RMI2: variants seen among roughly 807,000 people sequenced by gnomAD.
The protein encoded by RMI2 is RecQ mediated genome instability 2.
RMI2 carries 11 observed loss-of-function variants against 8.4 expected under a neutral mutation model. That is an observed-to-expected ratio of 1.32 (90% CI 0.83 to 2.18). The LOEUF (loss-of-function observed/expected upper bound fraction) is 2.18. Ranked by LOEUF, RMI2 falls within the 30% of genes most tolerant of loss-of-function variation. The probability of loss-of-function intolerance (pLI) is 0.00; values close to 1 mark genes in which losing one functional copy is unlikely to be tolerated. For missense variants in RMI2, 253 were observed against 207.5 expected, an observed-to-expected ratio of 1.22 and a Z score of -1.35; for synonymous variants, 105 against 93.8, an observed-to-expected ratio of 1.12 and a Z score of -0.69.
At chr16:11,347,352 G>A (rs1287162349) in intron 1 of RMI2, among the ~76,000 whole-genome samples, 2 of 152,160 alleles carry the variant, frequency 1.3e-5, no homozygotes, top group Non-Finnish European at 2.9e-5. Flanking sequence ...GGCCCTTCCT[G>A]CTCAGTCTTG....
Position 11,350,938 on chromosome 16 carries a change from G to A in RMI2, c.*148G>A. The A allele has an allele frequency of 1.7e-6, 1 of 602,920 alleles. No homozygotes were observed. The highest frequency in any genetic ancestry group is 1.9e-5 in the African/African-American group (1 of 52,030). The allele number at this position is 602,920 out of a possible 1,614,324, so 37.3% of individuals were successfully genotyped here. A position where few individuals can be genotyped will look rare whatever the true frequency, so the allele number is the denominator to read the frequency against. On this transcript the variant is annotated 3_prime_UTR_variant, in exon 2 of 2. Coordinates refer to ENST00000312499, the MANE Select transcript of RMI2 (RefSeq NM_152308.3). ...CTTTGGTTGACCAAGGAGTCCGGATGTAGGAATGTTTAAATCCTCGGATAC... is the reference window on the plus strand; with the variant it reads ...CTTTGGTTGACCAAGGAGTCCGGATATAGGAATGTTTAAATCCTCGGATAC...
intron 1 of RMI2, among the ~76,000 whole-genome samples, chr16:11,347,779 G>A (rs539580233): frequency 1.2e-3 from 177 of 152,258 alleles, no homozygotes; most frequent in Non-Finnish European, 2.1e-3. Context: ...AAATTTTTAT[G>A]TATTACTATT....
Position 11,345,916 on chromosome 16 carries a change from G to A in RMI2, c.295+150G>A, listed in dbSNP as rs896724116. The A allele has an allele frequency of 4.4e-5, 23 of 525,394 alleles. No individual in the cohort carries two copies. In the African/African-American group the frequency reaches 4.5e-4, roughly 10 times the overall value. The allele number at this position is 525,394 out of a possible 1,614,324, so 32.5% of individuals were successfully genotyped here. A position where few individuals can be genotyped will look rare whatever the true frequency, so the allele number is the denominator to read the frequency against. On this transcript the variant is annotated intron_variant, in intron 1 of 1. Transcript: ENST00000312499. ...TCTGCCCCTGCGGGTCCCCGCTTGGGTACCCTTGCTCCGGTCCCTCCTTGG... is the reference window on the plus strand; with the variant it reads ...TCTGCCCCTGCGGGTCCCCGCTTGGATACCCTTGCTCCGGTCCCTCCTTGG...
At position 11,345,637 on chromosome 16, in the gene RMI2, G is replaced by A; in HGVS notation, c.166G>A (p.Ala56Thr). Reference sequence around the variant, plus strand: ...GGCGGGCCGCGGGCCGCTGGACCTGGCGGCCGTGTGGATGCAGGGCAGGGT... The same window carrying A: ...GGCGGGCCGCGGGCCGCTGGACCTGACGGCCGTGTGGATGCAGGGCAGGGT... ...AAAGRGPLDL[A>T]AVWMQGRVVM... The change falls in exon 1 of 2, where the codon GCG becomes ACG. Residue 56 changes from alanine (A) to threonine (T), a missense_variant. Ala to Thr is a moderately conservative substitution (Grantham distance 58, BLOSUM62 0). Transcript: ENST00000312499. 1.1e-5 allele frequency: 14 copies of A among 1,257,522 alleles called. No homozygotes were observed. Among genetic ancestry groups the A allele is most frequent in the East Asian group, 3.0e-5 (1 of 33,390 alleles). The allele number at this position is 1,257,522 out of a possible 1,614,324, so 77.9% of individuals were successfully genotyped here. A position where few individuals can be genotyped will look rare whatever the true frequency, so the allele number is the denominator to read the frequency against.
Position 11,345,747 on chromosome 16 carries a change from G to A in RMI2, c.276G>A (p.Gly92=). The change falls in exon 1 of 2, where the codon GGG becomes GGA. Residue 92 remains glycine (G), a synonymous_variant. Coordinates refer to ENST00000312499, the MANE Select transcript of RMI2 (RefSeq NM_152308.3). ...SVRGLERVPR[G]RPCLVPGKYV... The stretch of plus-strand genomic sequence containing the variant: ...GCGGCCTGGAGCGGGTGCCGCGCGG[G>A]CGGCCCTGTCTAGTCCCAGGTAATG... The A allele has an allele frequency of 8.1e-7, 1 of 1,241,508 alleles. No homozygotes were observed. Among genetic ancestry groups the A allele is most frequent in the African/African-American group, 1.5e-5 (1 of 65,124 alleles). The allele number at this position is 1,241,508 out of a possible 1,614,324, so 76.9% of individuals were successfully genotyped here.
At chr16:11,347,970 G>A (rs1230711338) in intron 1 of RMI2, among the ~76,000 whole-genome samples, 1 of 152,090 alleles carries the variant, frequency 6.6e-6, no homozygotes, top group Non-Finnish European at 1.5e-5. Flanking sequence ...TAGTAGAGAT[G>A]GGGTTTCAAC....
At chr16:11,347,362 G>A (rs2070890354) in intron 1 of RMI2, among the ~76,000 whole-genome samples, 2 of 152,148 alleles carry the variant, frequency 1.3e-5, no homozygotes, top group African/African-American at 4.8e-5. Flanking sequence ...GCTCAGTCTT[G>A]GAGTCTAACT....
intron 1 of RMI2, among the ~76,000 whole-genome samples, chr16:11,346,126 C>T (rs28448519): frequency 0.39 from 59,224 of 152,090 alleles, 12,092 homozygotes; most frequent in Middle Eastern, 0.5. Flanking sequence ...TCTGCTCATC[C>T]TTAACGTCTC....
rs1209111688 is a variant in RMI2 at position 11,351,147 on chromosome 16, C to T, written c.*357C>T. ...GATGATACTTTTTCCATTACTGCTG[C>T]GTCCCTGTTTTACAATGCAAAATTT... is the stretch of plus-strand genomic sequence containing the variant. On this transcript the variant is annotated 3_prime_UTR_variant, in exon 2 of 2. Coordinates refer to ENST00000312499, the MANE Select transcript of RMI2 (RefSeq NM_152308.3). The T allele has an allele frequency of 4.1e-6, 1 of 246,468 alleles. No homozygotes were observed. The highest frequency in any genetic ancestry group is 7.9e-6 in the Non-Finnish European group (1 of 126,674). The allele number at this position is 246,468 out of a possible 1,614,324, so 15.3% of individuals were successfully genotyped here. A position where few individuals can be genotyped will look rare whatever the true frequency, so the allele number is the denominator to read the frequency against.
rs2070927160 is a variant in RMI2, at chr16:11,349,179, T to C, written c.296-1463T>C. 1.3e-5 allele frequency: 2 copies of C among 152,350 alleles called. No homozygotes were observed. The highest frequency in any genetic ancestry group is 1.3e-4 in the Admixed American group (2 of 15,268). The allele number at this position is 152,350 out of a possible 1,614,324, so 9.4% of individuals were successfully genotyped here. On this transcript the variant is annotated intron_variant, in intron 1 of 1. Coordinates refer to ENST00000312499, the MANE Select transcript of RMI2 (RefSeq NM_152308.3). This position sits in a 1 kb window ranked among gnomAD's most constrained non-coding sequence, Gnocchi z 4.2. ...GAAACCATGCTTACCTAGATCGCGCTTGGATCAACTGAGTTCTGGAGGCAG... is the reference window on the plus strand; with the variant it reads ...GAAACCATGCTTACCTAGATCGCGCCTGGATCAACTGAGTTCTGGAGGCAG...
chr16:11,347,336 C>G (rs1033286908), intron 1 of RMI2, among the ~76,000 whole-genome samples: 1 of 152,144 alleles, frequency 6.6e-6, no homozygotes, highest in African/African-American at 2.4e-5. Flanking sequence ...TCACTTCATT[C>G]CTAAGGGCCC....
rs1396508799 is a variant in RMI2, at chr16:11,351,132, T to C, written c.*342T>C. The stretch of plus-strand genomic sequence containing the variant: ...CCAAATTTTATGAGTGATGATACTT[T>C]TTCCATTACTGCTGCGTCCCTGTTT... On this transcript the variant is annotated 3_prime_UTR_variant, in exon 2 of 2. Transcript: ENST00000312499. 1.2e-5 allele frequency: 3 copies of C among 250,998 alleles called. No individual in the cohort carries two copies. The highest frequency in any genetic ancestry group is 1.2e-3 in the Middle Eastern group (1 of 850). 15.5% of individuals were successfully genotyped at this position (250,998 alleles called of 1,614,324 possible).
rs376073227 is a variant in RMI2 at position 11,351,087 on chromosome 16, G to C, written c.*297G>C. ...ATTCTCTCTCTCTCTCTCAGACACA[G>C]AAGTCTCATGTTGCATTTTCCAAAT... On this transcript the variant is annotated 3_prime_UTR_variant, in exon 2 of 2. Coordinates refer to ENST00000312499, the MANE Select transcript of RMI2 (RefSeq NM_152308.3). 22 of 279,146 alleles carry C rather than the reference G, an allele frequency of 7.9e-5. No individual in the cohort carries two copies. The highest frequency in any genetic ancestry group is 1.0e-3 in the Middle Eastern group (1 of 982). The allele number at this position is 279,146 out of a possible 1,614,324, so 17.3% of individuals were successfully genotyped here. A position where few individuals can be genotyped will look rare whatever the true frequency, so the allele number is the denominator to read the frequency against.
In RMI2 at chr16:11,350,909, C is replaced by G; in HGVS notation, c.*119C>G. ...ATTTTTCAAATGCTTCTCAGAGAGC[C>G]TTGCTTTGGTTGACCAAGGAGTCCG... On this transcript the variant is annotated 3_prime_UTR_variant, in exon 2 of 2. Coordinates refer to ENST00000312499, the MANE Select transcript of RMI2 (RefSeq NM_152308.3). 1 of 873,522 alleles carries G rather than the reference C, an allele frequency of 1.1e-6. No homozygotes were observed. The highest frequency in any genetic ancestry group is 1.7e-6 in the Non-Finnish European group (1 of 595,774). The allele number at this position is 873,522 out of a possible 1,614,324, so 54.1% of individuals were successfully genotyped here. A position where few individuals can be genotyped will look rare whatever the true frequency, so the allele number is the denominator to read the frequency against.
At chr16:11,345,822 C>G (rs918738) in intron 1 of RMI2, 56 bp downstream of exon 1, 599,145 of 1,201,348 alleles carry the variant, frequency 0.5, 152,131 homozygotes, top group Non-Finnish European at 0.52. Context: ...GAGAAGTTGC[C>G]GAGGCCAGAT....
In RMI2 at chr16:11,349,590, T is replaced by C. The variant is rs889623123; in HGVS notation, c.296-1052T>C. 1.2e-4 allele frequency among the ~76,000 whole-genome samples: 18 copies of C among 152,172 alleles called. No individual in the cohort carries two copies. The highest frequency in any genetic ancestry group is 4.1e-4 in the African/African-American group (17 of 41,438). The stretch of plus-strand genomic sequence containing the variant: ...CCCTTCAGAGGGGATGGCAAGTGCA[T>C]TTTCAGAACTAGCCTCTGTCACGGA... On this transcript the variant is annotated intron_variant, in intron 1 of 1. Coordinates refer to ENST00000312499, the MANE Select transcript of RMI2 (RefSeq NM_152308.3). This position sits in a 1 kb window ranked among gnomAD's most constrained non-coding sequence, Gnocchi z 4.2.
At position 11,350,782 on chromosome 16, in the gene RMI2, A is replaced by G; in HGVS notation, c.436A>G (p.Ile146Val). 2 of 1,609,094 alleles carry G rather than the reference A, an allele frequency of 1.2e-6. No homozygotes were observed. Among genetic ancestry groups the G allele is most frequent in the Non-Finnish European group, 8.5e-7 (1 of 1,178,376 alleles). The change falls in exon 2 of 2, where the codon ATT (isoleucine) becomes GTT (valine). Residue 146 changes from isoleucine to valine, a missense_variant. Transcript: ENST00000312499. ...ELEVEDLHRN[I>V]P Reference sequence around the variant, plus strand: ...GGAGGTAGAAGATTTACACAGGAATATTCCTTAGAGTATGTTGGAACTGTC... The same window carrying G: ...GGAGGTAGAAGATTTACACAGGAATGTTCCTTAGAGTATGTTGGAACTGTC...
At chr16:11,350,324 C>T (rs2070948989) in intron 1 of RMI2, among the ~76,000 whole-genome samples, 1 of 152,200 alleles carries the variant, frequency 6.6e-6, no homozygotes, top group South Asian at 2.1e-4. Flanking sequence ...GGTACAGTGG[C>T]TCATGCCTAT....
In RMI2 at chr16:11,350,877, A is replaced by G. The variant is rs911283881; in HGVS notation, c.*87A>G. 53 of 1,142,932 alleles carry G rather than the reference A, an allele frequency of 4.6e-5. No homozygotes were observed. The highest frequency in any genetic ancestry group is 5.4e-4 in the Middle Eastern group (2 of 3,700). 70.8% of individuals were successfully genotyped at this position (1,142,932 alleles called of 1,614,324 possible). A position where few individuals can be genotyped will look rare whatever the true frequency, so the allele number is the denominator to read the frequency against. Reference sequence around the variant, plus strand: ...GATGTGGATTTCATGGACACTTTTCAATGCGTATTTTTCAAATGCTTCTCA... The same window carrying G: ...GATGTGGATTTCATGGACACTTTTCGATGCGTATTTTTCAAATGCTTCTCA... On this transcript the variant is annotated 3_prime_UTR_variant, in exon 2 of 2. Coordinates refer to ENST00000312499, the MANE Select transcript of RMI2 (RefSeq NM_152308.3).
Sources: gnomAD v4.1 joint callset for allele counts (sites outside exome capture counted in the v4.1 genomes callset) on GRCh38, gnomAD v4.1.1 for gene constraint, Gnocchi (gnomAD v3.1) non-coding constraint, MANE v1.5 for transcripts, NCBI Gene and HGNC (gene_info 2026-07-23, HGNC 2026-07-21) for gene names.